The following PDE3B variants were observed in gnomAD, a reference collection of about 807,000 sequenced individuals.
PDE3B encodes cGMP-inhibited 3',5'-cyclic phosphodiesterase 3B.
Under a neutral mutation model 116.8 loss-of-function variants are expected in PDE3B, and 66 were observed. That is an observed-to-expected ratio of 0.56 (90% CI 0.46 to 0.69). The LOEUF (loss-of-function observed/expected upper bound fraction) is 0.69, where lower values mean the gene tolerates loss of function less well. PDE3B is among the 30% of genes least tolerant of loss of function. The pLI is 0.00. For missense variants in PDE3B, 1,384 were observed against 1,368.1 expected (o/e 1.01, Z -0.18); for synonymous variants, 595 against 533.6 (o/e 1.12, Z -1.59).
chr11:14,784,047 G>C (rs767484186), intron 2 of PDE3B, among the ~76,000 whole-genome samples: 4 of 152,168 alleles, frequency 2.6e-5, no homozygotes, highest in Non-Finnish European at 5.9e-5. Flanking sequence ...CAAGGGATTT[G>C]GGGTTGTACG....
At chr11:14,722,391 A>G (rs768326464) in intron 1 of PDE3B, among the ~76,000 whole-genome samples, 2 of 152,346 alleles carry the variant, frequency 1.3e-5, no homozygotes, top group African/African-American at 4.8e-5. Context: ...ACTGGCAGAT[A>G]GAGTAAAAAA....
intron 1 of PDE3B, among the ~76,000 whole-genome samples, chr11:14,663,502 A>C (rs1414291507): frequency 6.6e-6 from 1 of 152,222 alleles, no homozygotes; most frequent in Non-Finnish European, 1.5e-5. Flanking sequence ...CAATTAAAAG[A>C]CACTCCTCAC....
rs149030582 is a variant in PDE3B, at chr11:14,754,470, A to G, written c.979-17467A>G. On this transcript the variant is annotated intron_variant, in intron 1 of 15. Coordinates refer to ENST00000282096, the MANE Select transcript of PDE3B (RefSeq NM_000922.4). ...TGAGTGTGTAGATATTATTATTGCT[A>G]TGTTATAAACGACATTACTTAAAAG... Among the ~76,000 whole-genome samples, 551 of 152,128 alleles carry G rather than the reference A, an allele frequency of 3.6e-3. 6 individuals are homozygous for G. The highest frequency in any genetic ancestry group is 5.0e-3 in the Non-Finnish European group (340 of 67,972).
At chr11:14,654,400 C>T (rs748921813) in intron 1 of PDE3B, among the ~76,000 whole-genome samples, 5 of 152,194 alleles carry the variant, frequency 3.3e-5, no homozygotes, top group South Asian at 4.1e-4. Flanking sequence ...GAATATCATC[C>T]GACAGGTGCT....
At chr11:14,885,013 C>T in the PDE3B span, among the ~76,000 whole-genome samples, 1 of 152,054 alleles carries the variant, frequency 6.6e-6, no homozygotes. Flanking sequence ...AGTTCATTTC[C>T]TTTGTGATGT....
At chr11:14,806,185 G>C (rs1362179589) in intron 5 of PDE3B, among the ~76,000 whole-genome samples, 1 of 152,062 alleles carries the variant, frequency 6.6e-6, no homozygotes, top group African/African-American at 2.4e-5. Context: ...GGGCGTGGTG[G>C]TGCACGCCTG....
chr11:14,778,231 C>T (rs1357290282), intron 2 of PDE3B, among the ~76,000 whole-genome samples: 3 of 152,202 alleles, frequency 2.0e-5, no homozygotes, highest in Admixed American at 6.5e-5. Context: ...TAGACTCCAC[C>T]TCTGGGGGCA....
At chr11:14,697,968 T>A (rs1264495802) in intron 1 of PDE3B, among the ~76,000 whole-genome samples, 1 of 152,064 alleles carries the variant, frequency 6.6e-6, no homozygotes, top group Non-Finnish European at 1.5e-5. Context: ...CTTTTTGATC[T>A]TTATACTTTC....
intron 7 of PDE3B, among the ~76,000 whole-genome samples, chr11:14,827,328 G>A (rs527464875): frequency 2.6e-5 from 4 of 152,040 alleles, no homozygotes; most frequent in Non-Finnish European, 5.9e-5. Flanking sequence ...CAGTAATCAG[G>A]AAAGAGAAAG....
At chr11:14,833,043 C>G (rs946198913) in intron 10 of PDE3B, among the ~76,000 whole-genome samples, 3 of 151,970 alleles carry the variant, frequency 2.0e-5, no homozygotes, top group African/African-American at 4.8e-5. Flanking sequence ...CTCCGCCCCC[C>G]ACGTTCAAGT....
At chr11:14,799,548 T>TA (rs1858675734) in intron 4 of PDE3B, among the ~76,000 whole-genome samples, 2 of 152,266 alleles carry the variant, frequency 1.3e-5, no homozygotes, top group Admixed American at 1.3e-4. Context: ...AGTCTCCCAC[T>TA]ATTATTGTGT....
intron 7 of PDE3B, among the ~76,000 whole-genome samples, chr11:14,820,607 A>G (rs1859486750): frequency 6.6e-6 from 1 of 152,172 alleles, no homozygotes; most frequent in South Asian, 2.1e-4. Flanking sequence ...TCCTCCAAAA[A>G]TTCATGTGTC....
intron 7 of PDE3B, among the ~76,000 whole-genome samples, chr11:14,821,941 G>A (rs1859526033): frequency 6.9e-6 from 1 of 145,336 alleles, no homozygotes; most frequent in African/African-American, 2.6e-5. Context: ...GTCTTACTCT[G>A]TCATCCAGGC....
At chr11:14,798,934 A>C (rs1445784514) in intron 4 of PDE3B, among the ~76,000 whole-genome samples, 1 of 151,786 alleles carries the variant, frequency 6.6e-6, no homozygotes, top group Non-Finnish European at 1.5e-5. Flanking sequence ...TATCTCCTTC[A>C]GTTCTGTTCT....
chr11:14,812,725 T>C (rs1203889929), intron 5 of PDE3B, among the ~76,000 whole-genome samples: 1 of 152,236 alleles, frequency 6.6e-6, no homozygotes. Flanking sequence ...ATGACTTTAC[T>C]GGTAAATTCT....
intron 1 of PDE3B, among the ~76,000 whole-genome samples, chr11:14,769,249 T>C (rs1169354922): frequency 1.3e-5 from 2 of 151,372 alleles, no homozygotes. Flanking sequence ...AATATTGTAA[T>C]GTACAATATT....
At chr11:14,771,132 TC>T (rs1807073572) in intron 1 of PDE3B, among the ~76,000 whole-genome samples, 1 of 151,772 alleles carries the variant, frequency 6.6e-6, no homozygotes, top group Non-Finnish European at 1.5e-5. Flanking sequence ...TTAACTGGGC[TC>T]ATATTCAATA....
chr11:14,652,132 T>C, intron 1 of PDE3B, among the ~76,000 whole-genome samples: 1 of 152,176 alleles, frequency 6.6e-6, no homozygotes, highest in Admixed American at 6.5e-5. Flanking sequence ...TTGAGTTAAT[T>C]TTTGTATACA....
At chr11:14,803,685 G>A (rs540791754) in intron 4 of PDE3B, among the ~76,000 whole-genome samples, 1 of 152,278 alleles carries the variant, frequency 6.6e-6, no homozygotes, top group East Asian at 1.9e-4. Context: ...ATACCCATTT[G>A]TTCATTTTAG....
Sources: gnomAD v4.1 joint callset for allele counts (sites outside exome capture counted in the v4.1 genomes callset) on GRCh38, gnomAD v4.1.1 for gene constraint, MANE v1.5 for transcripts, NCBI Gene and HGNC (gene_info 2026-07-23, HGNC 2026-07-21) for gene names.